POT1: variants seen among roughly 807,000 people sequenced by gnomAD.
POT1 encodes protection of telomeres 1, also known as protection of telomeres protein 1.
A neutral mutation model predicts 78.5 loss-of-function variants in POT1; 47 were observed. The observed-to-expected ratio is 0.60, with a 90% CI of 0.47 to 0.76. The LOEUF is 0.76. POT1 is among the 30% of genes least tolerant of loss of function. The probability of loss-of-function intolerance (pLI) is 0.00; values close to 1 mark genes in which losing one functional copy is unlikely to be tolerated. For missense variants in POT1, 646 were observed against 749.9 expected (o/e 0.86, Z 1.62); for synonymous variants, 259 against 260.7 (o/e 0.99, Z 0.06).
At chr7:124,850,679 A>G (rs1317435566) in intron 11 of POT1, among the ~76,000 whole-genome samples, 2 of 151,894 alleles carry the variant, frequency 1.3e-5, no homozygotes, top group African/African-American at 4.8e-5. Context: ...TGCAGTGAGC[A>G]GAGATCGCGC....
At chr7:124,881,705 A>C (rs1248907908) in intron 6 of POT1, among the ~76,000 whole-genome samples, 3 of 151,984 alleles carry the variant, frequency 2.0e-5, no homozygotes, top group Non-Finnish European at 4.4e-5. Context: ...CACAAATAAA[A>C]ATATTTTCCC....
chr7:124,843,906 GCT>G (rs1795092852), intron 12 of POT1, among the ~76,000 whole-genome samples: 1 of 152,068 alleles, frequency 6.6e-6, no homozygotes, highest in African/African-American at 2.4e-5. Context: ...TACCAACAAG[GCT>G]CTCTGTATCA....
chr7:124,899,365 G>A (rs778111167), intron 3 of POT1, among the ~76,000 whole-genome samples: 9 of 152,084 alleles, frequency 5.9e-5, no homozygotes, highest in Admixed American at 1.3e-4. Context: ...CAATTCCTGC[G>A]TTTTTTTCTT....
intron 3 of POT1, among the ~76,000 whole-genome samples, chr7:124,899,383 G>A (rs1796566940): frequency 6.6e-6 from 1 of 152,058 alleles, no homozygotes; most frequent in Non-Finnish European, 1.5e-5. Flanking sequence ...CTTCACATGA[G>A]ATTGCAAACA....
chr7:124,841,078 T>C lies in POT1; in HGVS notation c.1264A>G (p.Lys422Glu). ...TTTTGATTTTTAGTGGTCCAGATTTTTGAATCATATAATGATGTATTTTGT... is the reference window on the plus strand; with the variant it reads ...TTTTGATTTTTAGTGGTCCAGATTTCTGAATCATATAATGATGTATTTTGT... ...KLQNTSLYDSKIWTTKNQKGR... is the reference protein window; with the variant it reads ...KLQNTSLYDSEIWTTKNQKGR... The change falls in exon 14 of 19, where the codon AAA becomes GAA. Residue 422 changes from lysine to glutamate, a missense_variant. Lys to Glu is a moderately conservative substitution (Grantham distance 56). This residue lies in a region of POT1 where 394 missense variants were observed against 408.4 expected (regional missense o/e 0.96). Transcript: ENST00000357628. 6.2e-7 allele frequency: 1 copy of C among 1,612,810 alleles called. No homozygotes were observed. The highest frequency in any genetic ancestry group is 8.5e-7 in the Non-Finnish European group (1 of 1,179,060).
At chr7:124,854,192 G>A (rs1479913357) in intron 9 of POT1, among the ~76,000 whole-genome samples, 2 of 151,880 alleles carry the variant, frequency 1.3e-5, no homozygotes, top group African/African-American at 2.4e-5. Flanking sequence ...TATATAATGA[G>A]CTATCTTAGA....
chr7:124,880,941 T>C (rs1364188572), intron 6 of POT1, among the ~76,000 whole-genome samples: 2 of 152,018 alleles, frequency 1.3e-5, no homozygotes, highest in African/African-American at 4.8e-5. Context: ...CAAAATATCA[T>C]CTACTTGCTA....
rs1218181636 is a variant in POT1 at position 124,822,420 on chromosome 7, T to A, written c.*1542A>T. The A allele has an allele frequency of 3.1e-6, 1 of 322,584 alleles. No homozygotes were observed. Among genetic ancestry groups the A allele is most frequent in the African/African-American group, 2.1e-5 (1 of 46,802 alleles). The allele number at this position is 322,584 out of a possible 1,614,324, so 20.0% of individuals were successfully genotyped here. Reference sequence around the variant, plus strand: ...GGTGGATGTTTATTTAAAACAAAAATAAGAAGAGACATGGCCTATCATCAT... The same window carrying A: ...GGTGGATGTTTATTTAAAACAAAAAAAAGAAGAGACATGGCCTATCATCAT... On this transcript the variant is annotated 3_prime_UTR_variant, in exon 19 of 19. Coordinates refer to ENST00000357628, the MANE Select transcript of POT1 (RefSeq NM_015450.3).
In POT1 at chr7:124,847,009, GA is replaced by G. The variant is rs2116484465; in HGVS notation, c.950-12del. ...ATACTGATCCAGAGCCTATAAAAAG[GA>G]AAAGGCAAAAAAATTAAGTCCATTA... On this transcript the variant is annotated splice_polypyrimidine_tract_variant and intron_variant, in intron 11 of 18. Transcript: ENST00000357628. 2 of 1,589,522 alleles carry G rather than the reference GA, an allele frequency of 1.3e-6. No individual in the cohort carries two copies. The highest frequency in any genetic ancestry group is 1.7e-6 in the Non-Finnish European group (2 of 1,160,458).
At chr7:124,868,505 T>C (rs897155742) in intron 7 of POT1, among the ~76,000 whole-genome samples, 4 of 151,908 alleles carry the variant, frequency 2.6e-5, no homozygotes, top group Admixed American at 1.3e-4. Context: ...GCTGATAAAA[T>C]AGATAAGAAA....
intron 15 of POT1, among the ~76,000 whole-genome samples, chr7:124,833,847 A>C (rs1479582026): frequency 6.6e-6 from 1 of 152,228 alleles, no homozygotes. Flanking sequence ...ATATAAGTTG[A>C]TACACTGTAA....
At chr7:124,848,451 G>C (rs1363055356) in intron 11 of POT1, 1 of 152,396 alleles carries the variant, frequency 6.6e-6, no homozygotes, top group Non-Finnish European at 1.5e-5. Flanking sequence ...GATTATCTAA[G>C]GTCAGGAGTT....
intron 14 of POT1, 98 bp from the exon 15 acceptor site, chr7:124,835,512 G>C: frequency 1.6e-6 from 2 of 1,274,376 alleles, no homozygotes; most frequent in Non-Finnish European, 2.2e-6. Context: ...AAAGACTAAA[G>C]GAATTGACAG....
chr7:124,878,464 T>C (rs867380161), intron 6 of POT1, among the ~76,000 whole-genome samples: 58 of 152,188 alleles, frequency 3.8e-4, no homozygotes, highest in African/African-American at 1.2e-3. Flanking sequence ...TATTTCAAAA[T>C]TGCAAATAGA....
At chr7:124,870,695 C>T (rs1795846380) in intron 7 of POT1, among the ~76,000 whole-genome samples, 1 of 152,074 alleles carries the variant, frequency 6.6e-6, no homozygotes, top group Non-Finnish European at 1.5e-5. Flanking sequence ...GCATGTAATA[C>T]ATTTCTGGGG....
rs573504616 is a variant in POT1, at chr7:124,917,654, A to T, written c.-226-2008T>A. On this transcript the variant is annotated intron_variant, in intron 2 of 18. Coordinates refer to ENST00000357628, the MANE Select transcript of POT1 (RefSeq NM_015450.3). ...CAAGAGAACCACAATCAATTAGATT[A>T]AAAGACATTAATCAAATTAAACTCA... Among the ~76,000 whole-genome samples the T allele has an allele frequency of 5.9e-5, 9 of 152,362 alleles. No individual in the cohort carries two copies. The East Asian group carries it at 1.7e-3, about 29-fold the overall frequency.
At chr7:124,880,361 A>T (rs914539828) in intron 6 of POT1, among the ~76,000 whole-genome samples, 1 of 152,130 alleles carries the variant, frequency 6.6e-6, no homozygotes, top group Non-Finnish European at 1.5e-5. Flanking sequence ...AACTGTGAAT[A>T]TAAGACCAAT....
chr7:124,886,359 A>T (rs1406194304), intron 6 of POT1, among the ~76,000 whole-genome samples: 3 of 152,116 alleles, frequency 2.0e-5, no homozygotes, highest in Non-Finnish European at 2.9e-5. Context: ...TAATATTTTA[A>T]AAGGCACAGC....
At chr7:124,894,560 A>T (rs937506662) in intron 5 of POT1, among the ~76,000 whole-genome samples, 1 of 151,668 alleles carries the variant, frequency 6.6e-6, no homozygotes, top group African/African-American at 2.4e-5. Context: ...ATAAATTCAT[A>T]AATTGATATT....
Sources: gnomAD v4.1 joint callset for allele counts (sites outside exome capture counted in the v4.1 genomes callset) on GRCh38, gnomAD v4.1.1 for gene constraint, gnomAD v4.1.1 regional missense constraint, MANE v1.5 for transcripts, NCBI Gene and HGNC (gene_info 2026-07-23, HGNC 2026-07-21) for gene names.